Variants in TRIO observed in about 807,000 individuals in gnomAD.
TRIO encodes triple functional domain protein.
TRIO carries 58 observed loss-of-function variants against 351.9 expected under a neutral mutation model. The observed-to-expected ratio is 0.16, with a 90% confidence interval of 0.13 to 0.21. TRIO has a LOEUF of 0.21. Among genes scored for constraint, TRIO ranks in the 10% least tolerant of loss-of-function variants. TRIO has a pLI of 1.00. For missense variants in TRIO, 3,201 were observed against 4,027.8 expected, an observed-to-expected ratio of 0.79 and a Z score of 5.56; for synonymous variants, 1,758 against 1,595.7, an observed-to-expected ratio of 1.10 and a Z score of -2.42.
chr5:14,146,974 G>C (rs1787557530), intron 1 of TRIO, among the ~76,000 whole-genome samples: 2 of 152,192 alleles, frequency 1.3e-5, no homozygotes, highest in South Asian at 4.1e-4. Flanking sequence ...GACCTGGCAT[G>C]AAGCAGGCAG....
intron 14 of TRIO, 27 bp downstream of exon 14, chr5:14,363,954 C>T (rs746581041): frequency 1.5e-5 from 24 of 1,582,908 alleles, no homozygotes; most frequent in Non-Finnish European, 1.8e-5. Context: ...CATCTGTGTC[C>T]GTTGTGATTT....
chr5:14,412,946 A>G (rs900674745), intron 33 of TRIO, among the ~76,000 whole-genome samples: 2 of 151,262 alleles, frequency 1.3e-5, no homozygotes, highest in Admixed American at 6.6e-5. Flanking sequence ...CAGTTTCCTC[A>G]TCTGTAAATG....
chr5:14,322,684 C>A (rs1739992923), intron 9 of TRIO, among the ~76,000 whole-genome samples: 1 of 152,222 alleles, frequency 6.6e-6, no homozygotes, highest in African/African-American at 2.4e-5. Context: ...CCCTTGTCAT[C>A]TGTTCATTGA....
chr5:14,212,213 A>C (rs1384161652), intron 1 of TRIO, among the ~76,000 whole-genome samples: 1 of 152,170 alleles, frequency 6.6e-6, no homozygotes, highest in Admixed American at 6.5e-5. Flanking sequence ...GTACTCAGGA[A>C]GGATAGAATT....
At chr5:14,152,812 A>G (rs1468126596) in intron 1 of TRIO, among the ~76,000 whole-genome samples, 2 of 152,254 alleles carry the variant, frequency 1.3e-5, no homozygotes, top group Non-Finnish European at 2.9e-5. Context: ...AATTCAGATC[A>G]GTGCATCCTG....
At chr5:14,400,889 G>C in intron 30 of TRIO, 74 bp from the exon 31 acceptor site, 4 of 1,432,622 alleles carry the variant, frequency 2.8e-6, no homozygotes, top group Non-Finnish European at 2.9e-6. Flanking sequence ...ACCAAAACCT[G>C]TTTCCTTGGT....
chr5:14,330,668 T>C (rs1740826538), intron 9 of TRIO, 110 bp from the exon 10 acceptor site: 1 of 1,360,216 alleles, frequency 7.4e-7, no homozygotes, highest in Non-Finnish European at 9.7e-7. Flanking sequence ...CGTTTGCTTC[T>C]TGTTTCTTAC....
chr5:14,220,898 A>G (rs1415311540), intron 1 of TRIO, among the ~76,000 whole-genome samples: 1 of 152,246 alleles, frequency 6.6e-6, no homozygotes, highest in African/African-American at 2.4e-5. Context: ...GACCTTCCTA[A>G]GATCAGATTT....
In TRIO at chr5:14,357,564, T is replaced by C. The variant is rs531319626; in HGVS notation, c.2047-614T>C. Among the ~76,000 whole-genome samples, 14 of 151,854 alleles carry C rather than the reference T, an allele frequency of 9.2e-5. 1 individual carries two copies. The South Asian group carries it at 2.9e-3, about 32-fold the overall frequency. On this transcript the variant is annotated intron_variant, in intron 11 of 56. Coordinates refer to ENST00000344204, the MANE Select transcript of TRIO (RefSeq NM_007118.4). ...GGTGGCAGTGGAGGTGTCTGCATCT[T>C]TTCAGCATGCACACTCTTTCCGTTG...
At position 14,288,519 on chromosome 5, in the gene TRIO, T is replaced by G. The variant is rs578009989; in HGVS notation, c.540+1456T>G. Reference sequence around the variant, plus strand: ...CCATCTCTACTAAAATACAAAAAATTAGCCGGGCGTGGTGGCAGGCACCTG... The same window carrying G: ...CCATCTCTACTAAAATACAAAAAATGAGCCGGGCGTGGTGGCAGGCACCTG... On this transcript the variant is annotated intron_variant, in intron 4 of 56. Coordinates refer to ENST00000344204, the MANE Select transcript of TRIO (RefSeq NM_007118.4). 6.6e-5 allele frequency among the ~76,000 whole-genome samples: 10 copies of G among 152,086 alleles called. No homozygotes were observed. In the East Asian group the frequency reaches 1.2e-3, roughly 18 times the overall value.
chr5:14,493,513 T>C (rs1490710956), intron 49 of TRIO, among the ~76,000 whole-genome samples: 2 of 152,236 alleles, frequency 1.3e-5, no homozygotes, highest in Non-Finnish European at 2.9e-5. Flanking sequence ...AACAATGAAC[T>C]GCACACATAC....
intron 42 of TRIO, among the ~76,000 whole-genome samples, chr5:14,479,670 T>C (rs1457122079): frequency 1.3e-5 from 2 of 152,012 alleles, no homozygotes; most frequent in Non-Finnish European, 2.9e-5. Context: ...TATATATATT[T>C]ATATGAATAA....
At chr5:14,450,504 G>A (rs1752777834) in intron 34 of TRIO, among the ~76,000 whole-genome samples, 1 of 152,020 alleles carries the variant, frequency 6.6e-6, no homozygotes, top group African/African-American at 2.4e-5. Flanking sequence ...CCGTGGCAGT[G>A]CTGTGTTGGG....
intron 33 of TRIO, among the ~76,000 whole-genome samples, chr5:14,416,828 AG>A (rs545094712): frequency 2.2e-3 from 327 of 150,582 alleles, no homozygotes; most frequent in African/African-American, 7.5e-3. Flanking sequence ...GCCAGAGGGC[AG>A]GTGATGAGAC....
At chr5:14,243,383 C>A (rs1794245395) in intron 1 of TRIO, among the ~76,000 whole-genome samples, 1 of 151,736 alleles carries the variant, frequency 6.6e-6, no homozygotes, top group Non-Finnish European at 1.5e-5. Context: ...AGTAAAATTC[C>A]ACCCCTCCTC....
intron 9 of TRIO, among the ~76,000 whole-genome samples, chr5:14,321,033 T>C (rs1036237782): frequency 2.0e-5 from 3 of 152,234 alleles, no homozygotes; most frequent in African/African-American, 7.2e-5. Flanking sequence ...TGAGTGTTCC[T>C]GAGAGCTTTT....
At chr5:14,331,307 G>A (rs1384475355) in intron 10 of TRIO, among the ~76,000 whole-genome samples, 1 of 152,174 alleles carries the variant, frequency 6.6e-6, no homozygotes. Flanking sequence ...GGAGTCCAGT[G>A]TGTTCCGAAT....
rs143409886 is a variant in TRIO, at chr5:14,210,336, C to A, written c.158-60489C>A. Among the ~76,000 whole-genome samples, 5 of 152,310 alleles carry A rather than the reference C, an allele frequency of 3.3e-5. No homozygotes were observed. In the East Asian group the frequency reaches 9.6e-4, roughly 29 times the overall value. ...TGAGGCCACCAAGGTAATTGTCCAGCGACCCCAGCCAAGAGTAGGGGTGTC... is the reference window on the plus strand; with the variant it reads ...TGAGGCCACCAAGGTAATTGTCCAGAGACCCCAGCCAAGAGTAGGGGTGTC... On this transcript the variant is annotated intron_variant, in intron 1 of 56. Transcript: ENST00000344204.
intron 8 of TRIO, among the ~76,000 whole-genome samples, chr5:14,310,632 A>G (rs1738832607): frequency 6.6e-6 from 1 of 152,118 alleles, no homozygotes; most frequent in Admixed American, 6.5e-5. Flanking sequence ...ACTTCTTAAA[A>G]CCAAAAAACC....
Sources: allele counts gnomAD v4.1 joint callset (sites outside exome capture counted in the v4.1 genomes callset), GRCh38; gene constraint gnomAD v4.1.1; transcripts MANE v1.5; gene names NCBI Gene and HGNC (gene_info 2026-07-23, HGNC 2026-07-21).